RP1: variants seen among roughly 807,000 people sequenced by gnomAD.
RP1 encodes RP1 axonemal microtubule associated.
Under a neutral mutation model 14.8 loss-of-function variants are expected in RP1, and 16 were observed. The ratio of observed to expected loss-of-function variants is 1.08; its 90% CI spans 0.73 to 1.65. RP1 has a LOEUF of 1.65. Ranked by LOEUF, RP1 falls within the 40% of genes most tolerant of loss-of-function variation. The pLI is 0.00. For synonymous variants in RP1, 876 were observed against 883.6 expected, an observed-to-expected ratio of 0.99 and a Z score of 0.15; for missense variants, 2,631 against 2,535.0, an observed-to-expected ratio of 1.04 and a Z score of -0.81.
intron 24 of RP1, among the ~76,000 whole-genome samples, chr8:54,785,430 T>C (rs1230005062): frequency 6.6e-6 from 1 of 152,100 alleles, no homozygotes; most frequent in African/African-American, 2.4e-5. Flanking sequence ...TGATACAGAT[T>C]TGAGTTGTTT....
chr8:54,621,247 G>A lies in RP1; in HGVS notation c.281G>A (p.Arg94His), dbSNP rs373078077. The A allele has an allele frequency of 4.0e-5, 64 of 1,614,110 alleles. No individual in the cohort carries two copies. The highest frequency in any genetic ancestry group is 1.3e-4 in the African/African-American group (10 of 75,028). ...STPRGRHSIT[R>H]LEELEDGESY... ...CCTCGGGGCAGGCACAGCATCACGCGCCTGGAGGAGCTGGAGGACGGCGAG... is the reference window on the plus strand; with the variant it reads ...CCTCGGGGCAGGCACAGCATCACGCACCTGGAGGAGCTGGAGGACGGCGAG... Residue 94 changes from arginine to histidine, a missense_variant, in exon 2 of 4, where the codon CGC becomes CAC. Transcript: ENST00000220676.
chr8:54,786,342 T>G (rs1205048442), intron 24 of RP1, among the ~76,000 whole-genome samples: 1 of 152,134 alleles, frequency 6.6e-6, no homozygotes, highest in African/African-American at 2.4e-5. Flanking sequence ...GTTAACCTTA[T>G]TAAAGATCCT....
rs908327872 is a variant in RP1, at chr8:54,663,588, C to T, written c.1172-111C>T. On this transcript the variant is annotated intron_variant, in intron 6 of 22. Coordinates refer to the RP1 transcript ENST00000636932. ...TTTACTGCCTGTGGTTTCTGGCATC[C>T]ACTGGGGATCTTGGAACTTTTCCAC... is the stretch of plus-strand genomic sequence containing the variant. 5 of 1,042,978 alleles carry T rather than the reference C, an allele frequency of 4.8e-6. No homozygotes were observed. In the African/African-American group the frequency reaches 8.2e-5, roughly 17 times the overall value. The allele number at this position is 1,042,978 out of a possible 1,614,324, so 64.6% of individuals were successfully genotyped here.
chr8:54,840,805 G>A (rs1395129106), intron 25 of RP1, among the ~76,000 whole-genome samples: 1 of 151,940 alleles, frequency 6.6e-6, no homozygotes, highest in African/African-American at 2.4e-5. Context: ...CCATTTAAAG[G>A]GGGTAATTTC....
chr8:54,788,344 CAAACTATT>C (rs1810377155), intron 24 of RP1, among the ~76,000 whole-genome samples: 1 of 152,194 alleles, frequency 6.6e-6, no homozygotes, highest in Non-Finnish European at 1.5e-5. Flanking sequence ...TGTGGGCCTA[CAAACTATT>C]AGCCATTAGC....
intron 1 of RP1, among the ~76,000 whole-genome samples, chr8:54,562,789 GC>G (rs1461117452): frequency 6.6e-6 from 1 of 152,212 alleles, no homozygotes; most frequent in Admixed American, 6.5e-5. Context: ...TCTAGCAGGT[GC>G]TAGACAGATA....
At chr8:54,860,183 A>T (rs1298732457) in intron 27 of RP1, among the ~76,000 whole-genome samples, 1 of 152,210 alleles carries the variant, frequency 6.6e-6, no homozygotes, top group African/African-American at 2.4e-5. Flanking sequence ...GGACATTGTG[A>T]TTTTAAACAT....
chr8:54,785,668 T>C (rs753348494), intron 24 of RP1, among the ~76,000 whole-genome samples: 14 of 152,122 alleles, frequency 9.2e-5, no homozygotes, highest in Non-Finnish European at 1.3e-4. Context: ...CAAGGTTTCA[T>C]CTTTCTCCAC....
At chr8:54,695,358 A>G (rs1050438164) in intron 12 of RP1, among the ~76,000 whole-genome samples, 6 of 152,144 alleles carry the variant, frequency 3.9e-5, no homozygotes, top group Non-Finnish European at 7.4e-5. Context: ...CAGCAATGAC[A>G]GTAAGATAAA....
At chr8:54,740,775 G>A (rs1323224025) in intron 19 of RP1, among the ~76,000 whole-genome samples, 1 of 151,930 alleles carries the variant, frequency 6.6e-6, no homozygotes, top group Non-Finnish European at 1.5e-5. Flanking sequence ...CGGGTGCGGT[G>A]GATCATGCCT....
rs532290560 is a variant in RP1, at chr8:54,590,218, C to T, written c.-12-30737C>T. Among the ~76,000 whole-genome samples the T allele has an allele frequency of 1.4e-4, 22 of 152,286 alleles. No homozygotes were observed. In the East Asian group the frequency reaches 2.7e-3, roughly 19 times the overall value. ...AACACAAAAATACAACTTAGTATCA[C>T]GTATCTCAGAGAACATCCTCCTTTG... is the stretch of plus-strand genomic sequence containing the variant. On this transcript the variant is annotated intron_variant, in intron 1 of 22. Transcript: ENST00000636932.
intron 12 of RP1, among the ~76,000 whole-genome samples, chr8:54,687,930 A>T (rs1332270433): frequency 3.9e-5 from 6 of 152,198 alleles, no homozygotes; most frequent in African/African-American, 1.4e-4. Context: ...TCCCACCAAC[A>T]GTGTAAAAGC....
At chr8:54,855,862 CTTTGA>C (rs1812182098) in intron 26 of RP1, among the ~76,000 whole-genome samples, 1 of 151,892 alleles carries the variant, frequency 6.6e-6, no homozygotes, top group Non-Finnish European at 1.5e-5. Context: ...CTGTGGAGCA[CTTTGA>C]ACTCTCGTAT....
chr8:54,827,253 T>G (rs1161985682), intron 24 of RP1, among the ~76,000 whole-genome samples: 1 of 152,200 alleles, frequency 6.6e-6, no homozygotes, highest in African/African-American at 2.4e-5. Context: ...TAGCTTACTG[T>G]TTGATTTTTC....
chr8:54,859,940 T>C (rs1812301739), intron 27 of RP1, among the ~76,000 whole-genome samples: 2 of 152,150 alleles, frequency 1.3e-5, no homozygotes, highest in Admixed American at 1.3e-4. Context: ...AGACTCCTCT[T>C]TGTGACATGG....
At chr8:54,753,116 T>C (rs1336272547) in intron 19 of RP1, among the ~76,000 whole-genome samples, 1 of 152,180 alleles carries the variant, frequency 6.6e-6, no homozygotes, top group African/African-American at 2.4e-5. Flanking sequence ...CATGGTCAGT[T>C]GGAAATGCCA....
intron 24 of RP1, among the ~76,000 whole-genome samples, chr8:54,796,078 G>A (rs2129386862): frequency 6.6e-6 from 1 of 152,228 alleles, no homozygotes; most frequent in Admixed American, 6.5e-5. Flanking sequence ...TGGTAGCCAA[G>A]GAATTATCGG....
At chr8:54,638,160 G>T (rs1407755044) in intron 3 of RP1, among the ~76,000 whole-genome samples, 4 of 152,158 alleles carry the variant, frequency 2.6e-5, no homozygotes, top group African/African-American at 9.7e-5. Flanking sequence ...AATAAGGGGT[G>T]CATGGGAGTT....
intron 24 of RP1, among the ~76,000 whole-genome samples, chr8:54,800,233 A>G (rs1810671289): frequency 6.6e-6 from 1 of 151,870 alleles, no homozygotes; most frequent in Non-Finnish European, 1.5e-5. Flanking sequence ...TCTATTTATA[A>G]TGTATCTTTT....
Sources: allele counts gnomAD v4.1 joint callset (sites outside exome capture counted in the v4.1 genomes callset), GRCh38; gene constraint gnomAD v4.1.1; transcripts MANE v1.5; gene names NCBI Gene and HGNC (gene_info 2026-07-23, HGNC 2026-07-21).